The following ENPP2 variants were observed in gnomAD, a reference collection of about 807,000 sequenced individuals.
ENPP2 encodes the protein autotaxin.
A neutral mutation model predicts 120.2 loss-of-function variants in ENPP2; 51 were observed. The ratio of observed to expected loss-of-function variants is 0.42; its 90% CI spans 0.34 to 0.54. The LOEUF is 0.54. Among genes scored for constraint, ENPP2 ranks in the 20% least tolerant of loss-of-function variants. The probability of loss-of-function intolerance (pLI) is 0.04; values close to 1 mark genes in which losing one functional copy is unlikely to be tolerated. For synonymous variants in ENPP2, 365 were observed against 366.4 expected (o/e 1.00, Z 0.04); for missense variants, 920 against 1,066.5 (o/e 0.86, Z 1.91).
intron 24 of ENPP2, among the ~76,000 whole-genome samples, chr8:119,561,307 C>T (rs898928731): frequency 1.3e-5 from 2 of 152,138 alleles, no homozygotes; most frequent in African/African-American, 4.8e-5. Flanking sequence ...ATTTCCATAC[C>T]TGTTTTATTT....
chr8:119,642,387 C>A (rs1483601098), upstream of ENPP2, among the ~76,000 whole-genome samples: 3 of 151,902 alleles, frequency 2.0e-5, no homozygotes, highest in Non-Finnish European at 4.4e-5. Flanking sequence ...ATTTGCTTTA[C>A]TTTTTGTTCA....
At chr8:119,610,435 CA>C (rs1274975697) in intron 8 of ENPP2, among the ~76,000 whole-genome samples, 1 of 150,992 alleles carries the variant, frequency 6.6e-6, no homozygotes, top group Non-Finnish European at 1.5e-5. Flanking sequence ...GGGAAAAAGG[CA>C]CTAAAATATT....
intron 1 of ENPP2, among the ~76,000 whole-genome samples, chr8:119,666,792 G>T (rs1173733438): frequency 6.8e-6 from 1 of 147,536 alleles, no homozygotes; most frequent in Non-Finnish European, 1.5e-5. Context: ...AAAAAAAAAA[G>T]CTTAATGAAG....
chr8:119,653,718 G>A (rs1328800023), intron 1 of ENPP2, among the ~76,000 whole-genome samples: 2 of 152,100 alleles, frequency 1.3e-5, no homozygotes, highest in Admixed American at 6.6e-5. Flanking sequence ...CCACTGGAGG[G>A]ATTTAATCAG....
At chr8:119,617,641 G>A in intron 5 of ENPP2, 78 bp from the exon 6 acceptor site, 2 of 1,005,388 alleles carry the variant, frequency 2.0e-6, no homozygotes, top group Non-Finnish European at 3.0e-6. Flanking sequence ...TCAATAATGG[G>A]AGCAATAATT....
intron 3 of ENPP2, among the ~76,000 whole-genome samples, chr8:119,625,306 G>T (rs1355904033): frequency 6.6e-6 from 1 of 152,138 alleles, no homozygotes; most frequent in Non-Finnish European, 1.5e-5. Flanking sequence ...AAAAGAAACT[G>T]GGAGAAGTTC....
intron 1 of ENPP2, among the ~76,000 whole-genome samples, chr8:119,662,619 T>C (rs1041330950): frequency 6.6e-6 from 1 of 152,240 alleles, no homozygotes; most frequent in Non-Finnish European, 1.5e-5. Context: ...TAAGACTGTT[T>C]CTGTGAACCA....
intron 4 of ENPP2, among the ~76,000 whole-genome samples, chr8:119,620,417 G>GGTAT (rs1262268608): frequency 1.1e-4 from 17 of 152,070 alleles, no homozygotes; most frequent in Non-Finnish European, 2.9e-5. Context: ...TAATTGTTTG[G>GGTAT]GTATGGGGAA....
chr8:119,602,178 C>T (rs996659220), intron 9 of ENPP2, among the ~76,000 whole-genome samples: 18 of 152,122 alleles, frequency 1.2e-4, no homozygotes, highest in African/African-American at 3.9e-4. Flanking sequence ...CAAGAATAGG[C>T]CAGGTGCAGT....
At chr8:119,653,005 T>C (rs1404032093) in intron 1 of ENPP2, among the ~76,000 whole-genome samples, 1 of 152,186 alleles carries the variant, frequency 6.6e-6, no homozygotes, top group East Asian at 1.9e-4. Flanking sequence ...TAGAAGCCCA[T>C]GTTTGGCTAC....
At chr8:119,636,327 T>A (rs1046676095) in intron 2 of ENPP2, among the ~76,000 whole-genome samples, 1 of 152,210 alleles carries the variant, frequency 6.6e-6, no homozygotes, top group Non-Finnish European at 1.5e-5. Context: ...ACTAAGTACA[T>A]CCTTGATTTT....
intron 15 of ENPP2, among the ~76,000 whole-genome samples, chr8:119,585,097 G>A (rs778370158): frequency 2.6e-5 from 4 of 151,992 alleles, no homozygotes; most frequent in East Asian, 1.9e-4. Flanking sequence ...TACTACCTGC[G>A]CCAGTGTGAC....
intron 9 of ENPP2, among the ~76,000 whole-genome samples, chr8:119,601,717 T>A (rs971263614): frequency 6.6e-6 from 1 of 152,144 alleles, no homozygotes; most frequent in African/African-American, 2.4e-5. Context: ...ATGAGGAACC[T>A]GTCTTGCTAA....
In ENPP2 at chr8:119,588,267, T is replaced by A. The variant is rs562133243; in HGVS notation, c.1208-1192A>T. 1.9e-3 allele frequency among the ~76,000 whole-genome samples: 294 copies of A among 152,218 alleles called. 3 individuals carry two copies. The highest frequency in any genetic ancestry group is 6.8e-3 in the African/African-American group (283 of 41,536). On this transcript the variant is annotated intron_variant, in intron 13 of 24. Transcript: ENST00000075322. ...CTCTGCAGGTGGCCAGATACAGTGA[T>A]GCCTGTAATCCCAGCACTTTGAGAG... is the stretch of plus-strand genomic sequence containing the variant.
In ENPP2 at chr8:119,638,739, T is replaced by C; in HGVS notation, c.33+9A>G. 6.6e-7 allele frequency: 1 copy of C among 1,524,442 alleles called. No individual in the cohort carries two copies. Among genetic ancestry groups the C allele is most frequent in the Non-Finnish European group, 9.1e-7 (1 of 1,097,990 alleles). The allele number at this position is 1,524,442 out of a possible 1,614,324, so 94.4% of individuals were successfully genotyped here. A position where few individuals can be genotyped will look rare whatever the true frequency, so the allele number is the denominator to read the frequency against. On this transcript the variant is annotated intron_variant, in intron 1 of 24. Transcript: ENST00000075322. ...AAGCATGTCCCCCGTCATTCCTCCG[T>C]TCTCCCACCTGACACGACTGGAACG...
chr8:119,583,589 C>T, intron 17 of ENPP2, 128 bp downstream of exon 17: 3 of 607,028 alleles, frequency 4.9e-6, no homozygotes, highest in South Asian at 2.3e-5. Context: ...GGGCAAGTTA[C>T]AACCTTTTGT....
At chr8:119,670,566 G>T (rs1050971971) in intron 1 of ENPP2, among the ~76,000 whole-genome samples, 2 of 152,130 alleles carry the variant, frequency 1.3e-5, no homozygotes, top group African/African-American at 4.8e-5. Flanking sequence ...TTGTAATAAA[G>T]AATGGTAAGT....
At chr8:119,646,298 T>C (rs1444137490) in intron 1 of ENPP2, among the ~76,000 whole-genome samples, 1 of 152,162 alleles carries the variant, frequency 6.6e-6, no homozygotes, top group African/African-American at 2.4e-5. Context: ...ACTTTTCTGT[T>C]TGGCTTCCTA....
intron 11 of ENPP2, among the ~76,000 whole-genome samples, chr8:119,599,366 A>T (rs1448295494): frequency 6.6e-6 from 1 of 152,130 alleles, no homozygotes; most frequent in East Asian, 1.9e-4. Flanking sequence ...AGTATTGTCA[A>T]AATACTTAAG....
Sources: gnomAD v4.1 joint callset for allele counts (sites outside exome capture counted in the v4.1 genomes callset) on GRCh38, gnomAD v4.1.1 for gene constraint, MANE v1.5 for transcripts, NCBI Gene and HGNC (gene_info 2026-07-23, HGNC 2026-07-21) for gene names.